Variants in FBXO34 observed in about 807,000 individuals in gnomAD.
FBXO34 encodes the protein F-box only protein 34.
In FBXO34, 12 loss-of-function variants were observed where a neutral mutation model predicts 24.5. That is an observed-to-expected ratio of 0.49 (90% confidence interval 0.31 to 0.79). FBXO34 has a LOEUF of 0.79. FBXO34 is among the 30% of genes least tolerant of loss of function. The pLI is 0.04. For missense variants in FBXO34, 823 were observed against 857.7 expected, an observed-to-expected ratio of 0.96 and a Z score of 0.51; for synonymous variants, 320 against 311.9, an observed-to-expected ratio of 1.03 and a Z score of -0.27.
intron 1 of FBXO34, among the ~76,000 whole-genome samples, chr14:55,300,102 C>G (rs960843060): frequency 6.6e-6 from 1 of 151,868 alleles, no homozygotes; most frequent in Admixed American, 6.6e-5. Context: ...TTAATATCTT[C>G]AAGTATCTAG....
At chr14:55,396,368 A>C in the FBXO34 span, among the ~76,000 whole-genome samples, 2 of 152,274 alleles carry the variant, frequency 1.3e-5, no homozygotes, top group African/African-American at 4.8e-5. Context: ...TCTATGGAAT[A>C]AAATGTTCTA....
intron 1 of FBXO34, among the ~76,000 whole-genome samples, chr14:55,289,181 TCC>T (rs1283919495): frequency 6.6e-6 from 1 of 152,092 alleles, no homozygotes; most frequent in Non-Finnish European, 1.5e-5. Context: ...TTCTCTTTTT[TCC>T]CCCCTTTCCA....
At chr14:55,373,728 G>C (rs569863075), downstream of FBXO34, among the ~76,000 whole-genome samples, 8 of 151,750 alleles carry the variant, frequency 5.3e-5, no homozygotes, top group Non-Finnish European at 1.0e-4. Context: ...CAAAGTGCTG[G>C]GATTACAGGT....
chr14:55,411,546 G>C, the FBXO34 span: 14 of 1,516,204 alleles, frequency 9.2e-6, no homozygotes. Context: ...GCCTTCGGCT[G>C]CCTGGCTGGA....
chr14:55,367,943 A>G (rs750882572), exon 3 of FBXO34: 14 of 152,684 alleles, frequency 9.2e-5, no homozygotes, highest in Admixed American at 2.6e-4. Context: ...TATCAACTAC[A>G]ATTATTATGA....
intron 1 of FBXO34, among the ~76,000 whole-genome samples, chr14:55,322,484 T>C (rs2140025929): frequency 6.6e-6 from 1 of 152,260 alleles, no homozygotes; most frequent in Admixed American, 6.5e-5. Context: ...TTTAATGTCA[T>C]GGAAAATTTT....
the FBXO34 span, among the ~76,000 whole-genome samples, chr14:55,416,847 A>T: frequency 6.6e-6 from 1 of 152,222 alleles, no homozygotes; most frequent in South Asian, 2.1e-4. Flanking sequence ...TTCTTTTCAT[A>T]TTTAATTGAG....
the FBXO34 span, among the ~76,000 whole-genome samples, chr14:55,406,326 G>A: frequency 6.6e-6 from 1 of 152,144 alleles, no homozygotes; most frequent in African/African-American, 2.4e-5. Context: ...CTGAAAATCA[G>A]AGGTTAAACA....
At chr14:55,368,576 C>A (rs1299354706), downstream of FBXO34, 1 of 152,170 alleles carries the variant, frequency 6.6e-6, no homozygotes, top group Admixed American at 6.6e-5. Context: ...TAGCATCAGC[C>A]GTAAGGATCT....
intron 1 of FBXO34, chr14:55,335,555 C>T (rs1883746466): frequency 6.6e-6 from 1 of 152,044 alleles, no homozygotes; most frequent in Admixed American, 6.6e-5. Context: ...TCTGTACAAC[C>T]AATTTGGTGA....
At chr14:55,317,550 G>A (rs1242079903) in intron 1 of FBXO34, among the ~76,000 whole-genome samples, 1 of 152,076 alleles carries the variant, frequency 6.6e-6, no homozygotes, top group Non-Finnish European at 1.5e-5. Context: ...TAATTGTTTT[G>A]TTACATTTTG....
chr14:55,321,620 C>T (rs1435076069), intron 1 of FBXO34, among the ~76,000 whole-genome samples: 1 of 152,176 alleles, frequency 6.6e-6, no homozygotes, highest in East Asian at 1.9e-4. Flanking sequence ...TGGTTTCAAA[C>T]TGCTGACATC....
chr14:55,314,454 A>G (rs1052257733), intron 1 of FBXO34, among the ~76,000 whole-genome samples: 5 of 152,280 alleles, frequency 3.3e-5, no homozygotes, highest in South Asian at 2.1e-4. Context: ...GGAAGCTGCT[A>G]TCTTCCTGAG....
At chr14:55,321,568 C>T (rs1238262343) in intron 1 of FBXO34, among the ~76,000 whole-genome samples, 4 of 152,026 alleles carry the variant, frequency 2.6e-5, no homozygotes, top group Non-Finnish European at 5.9e-5. Context: ...GGCTAAGTTT[C>T]ATATTTTTTG....
chr14:55,328,432 C>G (rs1484146985), intron 1 of FBXO34, among the ~76,000 whole-genome samples: 2 of 152,120 alleles, frequency 1.3e-5, no homozygotes, highest in Non-Finnish European at 2.9e-5. Context: ...AGAGCTGATC[C>G]CTAGAGATAG....
intron 1 of FBXO34, among the ~76,000 whole-genome samples, chr14:55,298,047 G>A (rs1450902644): frequency 6.6e-6 from 1 of 152,172 alleles, no homozygotes; most frequent in Non-Finnish European, 1.5e-5. Context: ...CCAGTAAGTG[G>A]AGGAACATTG....
At chr14:55,335,771 T>A (rs964626101) in intron 1 of FBXO34, among the ~76,000 whole-genome samples, 1 of 152,212 alleles carries the variant, frequency 6.6e-6, no homozygotes, top group East Asian at 1.9e-4. Flanking sequence ...TGGGAATAAT[T>A]ATTATATCTA....
At chr14:55,411,898 T>G in the FBXO34 span, 3 of 1,340,150 alleles carry the variant, frequency 2.2e-6, no homozygotes, top group Non-Finnish European at 3.1e-6. Flanking sequence ...AGGAGGGGCC[T>G]GGGGAAGGGG....
At chr14:55,397,943 CTTTTTTT>C in the FBXO34 span, among the ~76,000 whole-genome samples, 5 of 105,560 alleles carry the variant, frequency 4.7e-5, no homozygotes, top group South Asian at 3.3e-4. Flanking sequence ...TGCAGTAATT[CTTTTTTT>C]TTTTTTTTTT....
Sources: gnomAD v4.1 joint callset for allele counts (sites outside exome capture counted in the v4.1 genomes callset) on GRCh38, gnomAD v4.1.1 for gene constraint, MANE v1.5 for transcripts, NCBI Gene and HGNC (gene_info 2026-07-23, HGNC 2026-07-21) for gene names.